Variants in ANO4 observed in about 807,000 individuals in gnomAD.
ANO4 encodes the protein anoctamin-4.
A neutral mutation model predicts 141.9 loss-of-function variants in ANO4; 69 were observed. That is an observed-to-expected ratio of 0.49 (90% CI 0.40 to 0.59). The LOEUF is 0.59. ANO4 is among the 20% of genes least tolerant of loss of function. The probability of loss-of-function intolerance (pLI) is 0.00; values close to 1 mark genes in which losing one functional copy is unlikely to be tolerated. For missense variants in ANO4, 894 were observed against 1,162.2 expected (o/e 0.77, Z 3.36); for synonymous variants, 350 against 394.3 (o/e 0.89, Z 1.33).
At chr12:100,872,961 G>A (rs773020114) in intron 1 of ANO4, among the ~76,000 whole-genome samples, 6 of 152,298 alleles carry the variant, frequency 3.9e-5, no homozygotes, top group South Asian at 2.1e-4. Flanking sequence ...GTGATAGTGA[G>A]TTCTCACAAG....
At chr12:100,908,895 C>T (rs1051588231) in intron 2 of ANO4, among the ~76,000 whole-genome samples, 1 of 152,184 alleles carries the variant, frequency 6.6e-6, no homozygotes. Flanking sequence ...TGTTTATCCT[C>T]CTTTGAGTTT....
Position 100,806,524 on chromosome 12 carries a change from G to GTTTTTTTTTTTTTTTTTTTTTTTT in ANO4, c.-141+11510_-141+11533dup, listed in dbSNP as rs763949654. On this transcript the variant is annotated intron_variant, in intron 1 of 27. Transcript: ENST00000392977. ...TTTTAGGAGGTTTTTTTTTTGTTTC[G>GTTTTTTTTTTTTTTTTTTTTTTTT]TTTTTTTTTTTTTTTTTTTTTTTTT... 3.3e-4 allele frequency among the ~76,000 whole-genome samples: 20 copies of GTTTTTTTTTTTTTTTTTTTTTTTT among 59,878 alleles called. 6 individuals carry two copies. Among genetic ancestry groups the GTTTTTTTTTTTTTTTTTTTTTTTT allele is most frequent in the East Asian group, 2.1e-3 (3 of 1,448 alleles). The allele number at this position is 59,878 out of a possible 152,430, so 39.3% of individuals were successfully genotyped here. A position where few individuals can be genotyped will look rare whatever the true frequency, so the allele number is the denominator to read the frequency against.
chr12:100,816,399 G>A (rs1413716720), intron 1 of ANO4, among the ~76,000 whole-genome samples: 1 of 151,958 alleles, frequency 6.6e-6, no homozygotes, highest in Non-Finnish European at 1.5e-5. Flanking sequence ...GTTGAGAATG[G>A]GTCAAAGAAT....
intron 5 of ANO4, among the ~76,000 whole-genome samples, chr12:100,959,354 T>C (rs1419563019): frequency 6.6e-6 from 1 of 152,164 alleles, no homozygotes; most frequent in Non-Finnish European, 1.5e-5. Flanking sequence ...TTTTCCTCTC[T>C]ACTCAGTTGT....
chr12:100,976,442 G>A (rs1020947764), intron 7 of ANO4, among the ~76,000 whole-genome samples: 2 of 152,210 alleles, frequency 1.3e-5, no homozygotes, highest in East Asian at 3.9e-4. Flanking sequence ...GATTCACCAT[G>A]ATTTAGATTG....
intron 1 of ANO4, among the ~76,000 whole-genome samples, chr12:100,804,394 C>A (rs574123646): frequency 6.6e-6 from 1 of 152,258 alleles, no homozygotes; most frequent in East Asian, 1.9e-4. Context: ...CTATTGTGAA[C>A]AGTGCTGCAG....
At chr12:100,863,410 C>G (rs577248945) in intron 1 of ANO4, among the ~76,000 whole-genome samples, 1 of 152,260 alleles carries the variant, frequency 6.6e-6, no homozygotes, top group Admixed American at 6.5e-5. Flanking sequence ...ATACTCAGCT[C>G]AAGTGTTAAC....
chr12:101,127,458 G>T (rs2051369012), intron 27 of ANO4, among the ~76,000 whole-genome samples: 1 of 152,144 alleles, frequency 6.6e-6, no homozygotes, highest in Non-Finnish European at 1.5e-5. Context: ...TTAGCAAAGA[G>T]AATTCTTCCT....
rs2042299318 is a variant in ANO4, at chr12:100,936,653, A to C, written c.161-2662A>C. Among the ~76,000 whole-genome samples, 7 of 151,928 alleles carry C rather than the reference A, an allele frequency of 4.6e-5. 2 individuals carry two copies. Among genetic ancestry groups the C allele is most frequent in the Admixed American group, 3.9e-4 (6 of 15,238 alleles). ...AGTGTCCTTGTTCCCCCTTTATCTC[A>C]CACCCCGTCCTAAACCATTTCTCAT... On this transcript the variant is annotated intron_variant, in intron 3 of 27. Transcript: ENST00000392977.
chr12:100,948,473 A>G (rs1566045187), intron 5 of ANO4, among the ~76,000 whole-genome samples: 1 of 151,996 alleles, frequency 6.6e-6, no homozygotes, highest in Non-Finnish European at 1.5e-5. Flanking sequence ...GTTTTTCCTA[A>G]TTTTTACTTT....
intron 9 of ANO4, among the ~76,000 whole-genome samples, chr12:101,028,466 T>C (rs886219370): frequency 1.3e-5 from 2 of 150,406 alleles, no homozygotes; most frequent in African/African-American, 2.4e-5. Flanking sequence ...CTAGAGAGAG[T>C]TTAGAGGGGA....
At chr12:101,033,462 TATA>T (rs756110474) in intron 9 of ANO4, among the ~76,000 whole-genome samples, 15 of 150,858 alleles carry the variant, frequency 9.9e-5, no homozygotes, top group Admixed American at 2.6e-4. Flanking sequence ...AAACTTAAAG[TATA>T]ATAATAATAA....
At chr12:100,878,594 C>G (rs1301716527) in intron 1 of ANO4, among the ~76,000 whole-genome samples, 1 of 152,160 alleles carries the variant, frequency 6.6e-6, no homozygotes, top group African/African-American at 2.4e-5. Context: ...GAGTCTTCCT[C>G]TACCCATAAA....
chr12:101,062,150 G>T (rs1158430298), intron 14 of ANO4, among the ~76,000 whole-genome samples: 1 of 152,180 alleles, frequency 6.6e-6, no homozygotes, highest in Non-Finnish European at 1.5e-5. Flanking sequence ...CTCTGCTGCA[G>T]GTCTGCTGGA....
chr12:100,717,600 C>G (rs1206087959), intron 1 of ANO4: 13 of 399,434 alleles, frequency 3.3e-5, no homozygotes, highest in Non-Finnish European at 5.3e-5. Flanking sequence ...GGGAGGGGCC[C>G]AGGGAGCCGT....
At chr12:100,760,825 A>G (rs1304204748) in intron 3 of ANO4, among the ~76,000 whole-genome samples, 1 of 152,162 alleles carries the variant, frequency 6.6e-6, no homozygotes, top group Admixed American at 6.6e-5. Flanking sequence ...TGGCTTGCCC[A>G]TCTTCTCCTT....
rs779831298 is a variant in ANO4, at chr12:100,971,426, A to C, written c.557+20A>C. 17 of 1,484,078 alleles carry C rather than the reference A, an allele frequency of 1.1e-5. No homozygotes were observed. The South Asian group carries it at 1.7e-4, about 15-fold the overall frequency. 91.9% of individuals were successfully genotyped at this position (1,484,078 alleles called of 1,614,324 possible). On this transcript the variant is annotated intron_variant, in intron 6 of 27. Coordinates refer to ENST00000392977, the MANE Select transcript of ANO4 (RefSeq NM_001286615.2). ...TTTCAGGTAGGTGGAAATGTATTTT[A>C]TTCCACTCTCTCTGCTGCTTCACTG...
chr12:100,951,576 T>C (rs2042970791), intron 5 of ANO4, among the ~76,000 whole-genome samples: 1 of 152,198 alleles, frequency 6.6e-6, no homozygotes, highest in African/African-American at 2.4e-5. Flanking sequence ...AGCAAACTAA[T>C]GCAGGAACAG....
At chr12:100,993,314 A>G (rs2045223619) in intron 8 of ANO4, among the ~76,000 whole-genome samples, 1 of 152,230 alleles carries the variant, frequency 6.6e-6, no homozygotes, top group Admixed American at 6.5e-5. Context: ...TGGTCACTTT[A>G]TATGAGCTTA....
Sources: allele counts gnomAD v4.1 joint callset (sites outside exome capture counted in the v4.1 genomes callset), GRCh38; gene constraint gnomAD v4.1.1; transcripts MANE v1.5; gene names NCBI Gene and HGNC (gene_info 2026-07-23, HGNC 2026-07-21).